TET3: variants seen among roughly 807,000 people sequenced by gnomAD.
TET3 encodes the protein methylcytosine dioxygenase TET3.
A neutral mutation model predicts 141.4 loss-of-function variants in TET3; 19 were observed. The ratio of observed to expected loss-of-function variants is 0.13; its 90% CI spans 0.09 to 0.20. The LOEUF is 0.20. Ranked by LOEUF, TET3 falls within the 10% of genes least tolerant of loss-of-function variation. TET3 has a pLI of 1.00. For synonymous variants in TET3, 1,043 were observed against 980.9 expected, an observed-to-expected ratio of 1.06 and a Z score of -1.18; for missense variants, 1,874 against 2,356.9, an observed-to-expected ratio of 0.80 and a Z score of 4.24.
At chr2:74,029,051 T>C (rs1686530287) in intron 3 of TET3, among the ~76,000 whole-genome samples, 1 of 152,212 alleles carries the variant, frequency 6.6e-6, no homozygotes, top group East Asian at 1.9e-4. Context: ...GATTGTTACC[T>C]TGGGGTACTG....
At chr2:74,121,873 C>T in the TET3 span, 1 of 152,288 alleles carries the variant, frequency 6.6e-6, no homozygotes. Context: ...TGGTGCACAC[C>T]TGTAATCCCA....
intron 3 of TET3, among the ~76,000 whole-genome samples, chr2:74,012,237 A>G (rs1685474235): frequency 6.6e-6 from 1 of 152,178 alleles, no homozygotes; most frequent in Non-Finnish European, 1.5e-5. Context: ...TGTTACAATT[A>G]CACTTTGGGA....
At chr2:74,132,580 TCTTA>T in the TET3 span, among the ~76,000 whole-genome samples, 3 of 152,324 alleles carry the variant, frequency 2.0e-5, no homozygotes, top group East Asian at 5.8e-4. Flanking sequence ...AGAAACAGTG[TCTTA>T]CTTGTTGCCC....
chr2:74,052,556 CAAAAAAAA>C (rs70965779), intron 4 of TET3, among the ~76,000 whole-genome samples: 15 of 92,390 alleles, frequency 1.6e-4, no homozygotes, highest in African/African-American at 5.0e-4. Context: ...TTCCTATAGC[CAAAAAAAA>C]AAAAAAAAAA....
At chr2:74,110,777 C>A (rs1055618703), downstream of TET3, among the ~76,000 whole-genome samples, 2 of 152,126 alleles carry the variant, frequency 1.3e-5, no homozygotes, top group Admixed American at 1.3e-4. Flanking sequence ...TGTACACACA[C>A]CCCTGCTGCT....
the TET3 span, among the ~76,000 whole-genome samples, chr2:74,133,672 G>A: frequency 6.6e-6 from 1 of 152,248 alleles, no homozygotes; most frequent in East Asian, 1.9e-4. Flanking sequence ...CCAAGGGAGA[G>A]AGCAAGGAGA....
At chr2:74,113,290 G>A in the TET3 span, among the ~76,000 whole-genome samples, 1 of 152,120 alleles carries the variant, frequency 6.6e-6, no homozygotes, top group South Asian at 2.1e-4. Context: ...GGAGGCTGAG[G>A]CAGGAGAATC....
chr2:74,011,112 C>A (rs1047141950), intron 3 of TET3, among the ~76,000 whole-genome samples: 1 of 150,784 alleles, frequency 6.6e-6, no homozygotes, highest in Non-Finnish European at 1.5e-5. Flanking sequence ...CCCATAATCC[C>A]AGCTACTAAG....
intron 4 of TET3, among the ~76,000 whole-genome samples, chr2:74,061,391 C>T (rs1301170550): frequency 6.9e-6 from 1 of 144,332 alleles, no homozygotes; most frequent in Non-Finnish European, 1.5e-5. Flanking sequence ...ACCTCCCTCC[C>T]GGACGGGGCG....
intron 2 of TET3, among the ~76,000 whole-genome samples, chr2:73,992,310 T>TTTTTTCTTTTTTTTCTTTC (rs1558691805): frequency 6.6e-5 from 10 of 151,144 alleles, no homozygotes; most frequent in East Asian, 1.9e-4. Context: ...CTTTTCTTTT[T>TTTTTTCTTTTTTTTCTTTC]TTTTTTTGTT....
intron 3 of TET3, among the ~76,000 whole-genome samples, chr2:74,016,912 A>G (rs1192070162): frequency 6.6e-6 from 1 of 151,840 alleles, no homozygotes; most frequent in Non-Finnish European, 1.5e-5. Context: ...TAATGAGAAT[A>G]TCCATCACCT....
intron 3 of TET3, among the ~76,000 whole-genome samples, chr2:74,041,141 G>C (rs995142820): frequency 6.6e-6 from 1 of 152,090 alleles, no homozygotes; most frequent in Non-Finnish European, 1.5e-5. Flanking sequence ...TAGGGGGACT[G>C]GTTTCAGTGC....
At chr2:73,993,406 A>G (rs1268841309) in intron 2 of TET3, 1 of 152,232 alleles carries the variant, frequency 6.6e-6, no homozygotes. Flanking sequence ...CTGAATTGAA[A>G]TCTGCACTTT....
chr2:74,093,534 C>A lies in TET3; in HGVS notation c.3135C>A (p.Thr1045=), dbSNP rs1265760856. Residue 1045 remains threonine (T), a synonymous_variant, in exon 10 of 12, where the codon ACC becomes ACA. Coordinates refer to ENST00000409262, the MANE Select transcript of TET3 (RefSeq NM_001287491.2). The surrounding 1 kb of genome is among the most constrained non-coding windows in gnomAD (Gnocchi z 4.2). ...LAPQAYQNQV[T]NEEIAIDCRL... ...CTCCTTGGCTGTCTACACAGGTGAC[C>A]AACGAGGAAATAGCGATTGACTGCC... 2.5e-6 allele frequency: 4 copies of A among 1,607,898 alleles called. No homozygotes were observed. Among genetic ancestry groups the A allele is most frequent in the Non-Finnish European group, 3.4e-6 (4 of 1,176,486 alleles).
the TET3 span, among the ~76,000 whole-genome samples, chr2:74,125,361 G>T: frequency 2.6e-5 from 4 of 152,314 alleles, no homozygotes; most frequent in South Asian, 8.3e-4. Flanking sequence ...AGCCTGGCTG[G>T]ATGGATAACA....
chr2:74,070,881 G>A (rs960087045), intron 4 of TET3, among the ~76,000 whole-genome samples: 2 of 152,106 alleles, frequency 1.3e-5, no homozygotes, highest in African/African-American at 4.8e-5. Flanking sequence ...AGGCTGAGGT[G>A]GGAGGATCAC....
intron 1 of TET3, among the ~76,000 whole-genome samples, chr2:73,985,408 C>T (rs1213712388): frequency 6.9e-6 from 1 of 144,192 alleles, no homozygotes; most frequent in Non-Finnish European, 1.5e-5. Flanking sequence ...GGAGCCCGAG[C>T]GGCGGCGCGC....
chr2:74,076,047 A>C (rs1431028842), intron 5 of TET3, among the ~76,000 whole-genome samples: 1 of 152,188 alleles, frequency 6.6e-6, no homozygotes, highest in Non-Finnish European at 1.5e-5. Context: ...TGGGGTAACA[A>C]TTTTATAAGA....
the TET3 span, among the ~76,000 whole-genome samples, chr2:74,116,322 G>A: frequency 6.6e-6 from 1 of 151,980 alleles, no homozygotes; most frequent in East Asian, 1.9e-4. Flanking sequence ...AGTACAAATC[G>A]AACTCCCATG....
Sources: gnomAD v4.1 joint callset for allele counts (sites outside exome capture counted in the v4.1 genomes callset) on GRCh38, gnomAD v4.1.1 for gene constraint, Gnocchi (gnomAD v3.1) non-coding constraint, MANE v1.5 for transcripts, NCBI Gene and HGNC (gene_info 2026-07-23, HGNC 2026-07-21) for gene names.